Variants in STRADB observed in about 807,000 individuals in gnomAD.
The protein encoded by STRADB is STE20 related adaptor beta.
STRADB carries 34 observed loss-of-function variants against 52.1 expected under a neutral mutation model. The observed-to-expected ratio is 0.65, with a 90% CI of 0.50 to 0.87. The LOEUF is 0.87. Among genes scored for constraint, STRADB ranks in the 40% least tolerant of loss-of-function variants. The pLI is 0.00. For synonymous variants in STRADB, 133 were observed against 174.5 expected, an observed-to-expected ratio of 0.76 and a Z score of 1.87; for missense variants, 340 against 483.9, an observed-to-expected ratio of 0.70 and a Z score of 2.79.
intron 3 of STRADB, among the ~76,000 whole-genome samples, chr2:201,466,065 G>T (rs955934436): frequency 1.3e-5 from 2 of 152,186 alleles, no homozygotes; most frequent in East Asian, 3.8e-4. Flanking sequence ...TCTTACAAAG[G>T]TGCCTTCTTG....
intron 4 of STRADB, among the ~76,000 whole-genome samples, 193 bp downstream of exon 4, chr2:201,470,245 G>C (rs368489206): frequency 5.3e-5 from 8 of 152,124 alleles, no homozygotes; most frequent in African/African-American, 1.9e-4. Flanking sequence ...CAAGATTACT[G>C]TCTAGAACGT....
At chr2:201,458,252 C>T (rs888670190) in intron 2 of STRADB, among the ~76,000 whole-genome samples, 2 of 151,830 alleles carry the variant, frequency 1.3e-5, no homozygotes, top group Non-Finnish European at 2.9e-5. Flanking sequence ...ATGTAAATTG[C>T]GATAATAAAA....
At chr2:201,461,772 A>G (rs1427167148) in intron 3 of STRADB, among the ~76,000 whole-genome samples, 1 of 152,168 alleles carries the variant, frequency 6.6e-6, no homozygotes, top group East Asian at 1.9e-4. Flanking sequence ...AATTTCCTGG[A>G]CAGCTTCCTC....
In STRADB at chr2:201,477,735, T is replaced by A; in HGVS notation, c.665T>A (p.Phe222Tyr). Residue 222 changes from phenylalanine to tyrosine, a missense_variant, in exon 8 of 12, where the codon TTC (phenylalanine) becomes TAC (tyrosine). Physicochemically the swap from Phe to Tyr is conservative, Grantham distance 22. Transcript: ENST00000194530. ...HGQRHRAVYD[F>Y]PQFSTSVQPW... is the part of the protein sequence containing the mutation. ...CAGAGGCATAGGGCTGTGTATGATT[T>A]CCCACAGTTCAGCACATCAGTGCAG... 6.2e-7 allele frequency: 1 copy of A among 1,613,678 alleles called. No homozygotes were observed. The highest frequency in any genetic ancestry group is 8.5e-7 in the Non-Finnish European group (1 of 1,179,618).
intron 2 of STRADB, among the ~76,000 whole-genome samples, chr2:201,456,915 G>A (rs1952137233): frequency 6.6e-6 from 1 of 152,332 alleles, no homozygotes; most frequent in South Asian, 2.1e-4. Flanking sequence ...GTTGTGACAT[G>A]TGAAATGTTG....
intron 6 of STRADB, among the ~76,000 whole-genome samples, chr2:201,475,084 C>T (rs1018319905): frequency 3.9e-5 from 6 of 152,150 alleles, no homozygotes; most frequent in Non-Finnish European, 8.8e-5. Flanking sequence ...CCACCTCTGC[C>T]CCCCATCCCT....
At chr2:201,479,200 G>A (rs1327487960) in intron 10 of STRADB, 20 of 261,322 alleles carry the variant, frequency 7.7e-5, no homozygotes, top group South Asian at 6.8e-4. Flanking sequence ...GCACATTTAC[G>A]TTAAGACTCT....
intron 3 of STRADB, among the ~76,000 whole-genome samples, chr2:201,465,498 C>T (rs1369202977): frequency 6.6e-6 from 1 of 152,186 alleles, no homozygotes; most frequent in South Asian, 2.1e-4. Flanking sequence ...TTTATTCTTT[C>T]CTTTCCTCTC....
At chr2:201,460,909 G>A (rs1397566169) in intron 3 of STRADB, 1 of 138,492 alleles carries the variant, frequency 7.2e-6, no homozygotes, top group African/African-American at 2.7e-5. Context: ...TCATATGGTA[G>A]TTTTTTTTTT....
intron 4 of STRADB, among the ~76,000 whole-genome samples, chr2:201,472,622 C>T (rs954144687): frequency 2.2e-4 from 33 of 152,110 alleles, no homozygotes; most frequent in African/African-American, 7.5e-4. Flanking sequence ...GTGAGTATAT[C>T]GCAATTGGTT....
chr2:201,461,492 A>T (rs1199828442), intron 3 of STRADB, among the ~76,000 whole-genome samples: 1 of 152,134 alleles, frequency 6.6e-6, no homozygotes, highest in East Asian at 1.9e-4. Flanking sequence ...TCTTTTGAGA[A>T]ATGTTTATTT....
At chr2:201,472,892 T>C (rs1013654659) in intron 4 of STRADB, 63 bp from the exon 5 acceptor site, 4 of 1,499,616 alleles carry the variant, frequency 2.7e-6, no homozygotes, top group Middle Eastern at 2.4e-4. Flanking sequence ...ATTTTGATGA[T>C]GTCTAAATTG....
At chr2:201,479,402 TA>T in intron 10 of STRADB, 86 bp from the exon 11 acceptor site, 1 of 1,281,122 alleles carries the variant, frequency 7.8e-7, no homozygotes, top group Non-Finnish European at 1.1e-6. Context: ...TTTATAGCAC[TA>T]AACCTAATTT....
chr2:201,461,968 C>CT (rs1366114477), intron 3 of STRADB, among the ~76,000 whole-genome samples: 1 of 152,124 alleles, frequency 6.6e-6, no homozygotes, highest in Non-Finnish European at 1.5e-5. Context: ...TTCTTGGCTT[C>CT]TTTGTCAAAA....
At chr2:201,463,868 A>G (rs1377822134) in intron 3 of STRADB, among the ~76,000 whole-genome samples, 3 of 151,864 alleles carry the variant, frequency 2.0e-5, no homozygotes, top group Admixed American at 2.0e-4. Flanking sequence ...CAGTTTTGCT[A>G]TTGAGACTCT....
chr2:201,452,552 C>T (rs1952063591), intron 1 of STRADB, among the ~76,000 whole-genome samples: 1 of 152,186 alleles, frequency 6.6e-6, no homozygotes, highest in Non-Finnish European at 1.5e-5. Flanking sequence ...CCAGTAGGCG[C>T]TCAGTAAAGA....
chr2:201,456,437 C>A (rs906974949), intron 2 of STRADB, among the ~76,000 whole-genome samples: 1 of 152,146 alleles, frequency 6.6e-6, no homozygotes, highest in Admixed American at 6.5e-5. Context: ...ATATCTTAGC[C>A]TATTATTCCA....
At chr2:201,459,638 G>T (rs1952182338) in intron 3 of STRADB, among the ~76,000 whole-genome samples, 2 of 152,082 alleles carry the variant, frequency 1.3e-5, no homozygotes, top group African/African-American at 4.8e-5. Flanking sequence ...TGGACTCCTT[G>T]CCTCTAGGCT....
chr2:201,464,288 A>G (rs1952263741), intron 3 of STRADB, among the ~76,000 whole-genome samples: 1 of 151,234 alleles, frequency 6.6e-6, no homozygotes, highest in Non-Finnish European at 1.5e-5. Context: ...GGTCACTGTA[A>G]CTCTATCTGC....
Sources: allele counts gnomAD v4.1 joint callset (sites outside exome capture counted in the v4.1 genomes callset), GRCh38; gene constraint gnomAD v4.1.1; transcripts MANE v1.5; gene names NCBI Gene and HGNC (gene_info 2026-07-23, HGNC 2026-07-21).